IQSEC1: variants seen among roughly 807,000 people sequenced by gnomAD.
The protein encoded by IQSEC1 is IQ motif and Sec7 domain ArfGEF 1.
IQSEC1 carries 31 observed loss-of-function variants against 91.0 expected under a neutral mutation model. That is an observed-to-expected ratio of 0.34 (90% CI 0.26 to 0.46). The LOEUF is 0.46. Ranked by LOEUF, IQSEC1 falls within the 20% of genes least tolerant of loss-of-function variation. IQSEC1 has a pLI of 1.00. For missense variants in IQSEC1, 1,388 were observed against 1,575.6 expected (o/e 0.88, Z 2.02); for synonymous variants, 699 against 662.6 (o/e 1.05, Z -0.84).
chr3:13,261,536 G>A (rs535730753), intron 1 of IQSEC1, among the ~76,000 whole-genome samples: 3 of 152,094 alleles, frequency 2.0e-5, no homozygotes, highest in Non-Finnish European at 2.9e-5. Flanking sequence ...CCCAGACAGC[G>A]AGCAAAGCCC....
chr3:13,256,565 T>C (rs2125123639), intron 1 of IQSEC1, among the ~76,000 whole-genome samples: 1 of 152,224 alleles, frequency 6.6e-6, no homozygotes, highest in Non-Finnish European at 1.5e-5. Flanking sequence ...CTGGGGTTCC[T>C]AAGAGCCACA....
chr3:12,956,554 A>C (rs1326334075), intron 1 of IQSEC1, among the ~76,000 whole-genome samples: 1 of 152,138 alleles, frequency 6.6e-6, no homozygotes, highest in African/African-American at 2.4e-5. Context: ...CCTCGTTCCT[A>C]AGTTTCCTAG....
chr3:13,118,072 A>ACACT (rs1706365369), intron 2 of IQSEC1, among the ~76,000 whole-genome samples: 1 of 152,120 alleles, frequency 6.6e-6, no homozygotes, highest in Non-Finnish European at 1.5e-5. Context: ...AGTTAATCAT[A>ACACT]ACGTATAGTT....
intron 2 of IQSEC1, among the ~76,000 whole-genome samples, chr3:13,095,329 C>T (rs2600203): frequency 0.23 from 35,476 of 151,716 alleles, 4,463 homozygotes; most frequent in Non-Finnish European, 0.26. Flanking sequence ...ATTCTCGGGT[C>T]TACCCAGACC....
chr3:13,066,774 C>T (rs1705245834), intron 1 of IQSEC1, among the ~76,000 whole-genome samples: 1 of 152,206 alleles, frequency 6.6e-6, no homozygotes, highest in Non-Finnish European at 1.5e-5. Context: ...TTACTGTGTC[C>T]CTTCTCTGGG....
At chr3:13,190,555 C>CAAAAAAAAAAAAAA (rs79890597) in intron 1 of IQSEC1, among the ~76,000 whole-genome samples, 1 of 142,650 alleles carries the variant, frequency 7.0e-6, no homozygotes, top group African/African-American at 2.6e-5. Flanking sequence ...GACCCTGTCT[C>CAAAAAAAAAAAAAA]AAAAAAAAAA....
intron 1 of IQSEC1, among the ~76,000 whole-genome samples, chr3:13,027,192 G>T (rs1703653985): frequency 6.6e-6 from 1 of 152,286 alleles, no homozygotes. Context: ...AAAGTCCAGG[G>T]TGCTGAGAGC....
intron 2 of IQSEC1, among the ~76,000 whole-genome samples, chr3:13,106,057 A>C (rs1559256192): frequency 6.6e-6 from 1 of 152,134 alleles, no homozygotes; most frequent in Non-Finnish European, 1.5e-5. Flanking sequence ...CCACCAATAG[A>C]GGGAGCCTGG....
At chr3:13,112,896 T>C (rs1268004164) in intron 2 of IQSEC1, among the ~76,000 whole-genome samples, 1 of 152,262 alleles carries the variant, frequency 6.6e-6, no homozygotes, top group Non-Finnish European at 1.5e-5. Flanking sequence ...AGGGAGAGCC[T>C]GGTGAGACAT....
chr3:13,078,324 A>G (rs1249883694), upstream of IQSEC1, among the ~76,000 whole-genome samples: 2 of 152,170 alleles, frequency 1.3e-5, no homozygotes, highest in African/African-American at 4.8e-5. Context: ...AGGCATCATT[A>G]AAAAGTGGTG....
Position 12,994,696 on chromosome 3 carries a change from G to T in IQSEC1, c.24-52831C>A, listed in dbSNP as rs892574002. On this transcript the variant is annotated intron_variant, in intron 1 of 13. Coordinates refer to ENST00000613206, the MANE Select transcript of IQSEC1 (RefSeq NM_001134382.3). This position sits in a 1 kb window ranked among gnomAD's most constrained non-coding sequence, Gnocchi z 4.5. ...GCAGGGAAGCCACTGGCCCAGAGGC[G>T]CACAGCTGCACCACGCTCCTCCGCG... Among the ~76,000 whole-genome samples, 3 of 152,184 alleles carry T rather than the reference G, an allele frequency of 2.0e-5. No individual in the cohort carries two copies. Among genetic ancestry groups the T allele is most frequent in the Non-Finnish European group, 4.4e-5 (3 of 68,024 alleles).
At chr3:12,928,680 C>G (rs1327313935) in intron 3 of IQSEC1, among the ~76,000 whole-genome samples, 1 of 152,230 alleles carries the variant, frequency 6.6e-6, no homozygotes, top group African/African-American at 2.4e-5. Context: ...GGTGAATTCT[C>G]CATCCACCTG....
intron 1 of IQSEC1, among the ~76,000 whole-genome samples, chr3:12,976,680 C>T (rs1435834681): frequency 6.6e-6 from 1 of 152,224 alleles, no homozygotes; most frequent in Non-Finnish European, 1.5e-5. Flanking sequence ...CTGGCTTAAT[C>T]ACTTATGTAC....
intron 1 of IQSEC1, among the ~76,000 whole-genome samples, chr3:12,943,924 C>T (rs1347727725): frequency 8.5e-5 from 13 of 152,254 alleles, no homozygotes; most frequent in Admixed American, 7.9e-4. Flanking sequence ...TGACTTCTGG[C>T]TCTGGCCTCC....
chr3:13,043,052 G>T (rs375963281), intron 1 of IQSEC1, among the ~76,000 whole-genome samples: 1 of 152,164 alleles, frequency 6.6e-6, no homozygotes, highest in Non-Finnish European at 1.5e-5. Context: ...GTCGCCCAGC[G>T]CCTGCCGTTG....
At chr3:13,035,427 A>G (rs1301087246) in intron 1 of IQSEC1, among the ~76,000 whole-genome samples, 2 of 152,132 alleles carry the variant, frequency 1.3e-5, no homozygotes, top group Non-Finnish European at 2.9e-5. Context: ...TCTCAGCTCT[A>G]AAACTCTAAG....
intron 2 of IQSEC1, among the ~76,000 whole-genome samples, chr3:13,145,807 G>GGC (rs1553568918): frequency 6.7e-5 from 5 of 74,698 alleles, no homozygotes; most frequent in South Asian, 5.7e-4. Context: ...CCGGGGGCGG[G>GGC]GGGGGGGGGT....
intron 1 of IQSEC1, among the ~76,000 whole-genome samples, chr3:13,057,984 A>G (rs1704934916): frequency 6.6e-6 from 1 of 152,162 alleles, no homozygotes; most frequent in Non-Finnish European, 1.5e-5. Flanking sequence ...AAGAAAAAAC[A>G]TTTTCAGGCC....
chr3:13,055,841 C>G (rs540237917), intron 1 of IQSEC1, among the ~76,000 whole-genome samples: 1 of 152,156 alleles, frequency 6.6e-6, no homozygotes, highest in Non-Finnish European at 1.5e-5. Context: ...GGCGGAGGGG[C>G]CCTGGGGTGC....
Sources: gnomAD v4.1 joint callset for allele counts (sites outside exome capture counted in the v4.1 genomes callset) on GRCh38, gnomAD v4.1.1 for gene constraint, Gnocchi (gnomAD v3.1) non-coding constraint, MANE v1.5 for transcripts, NCBI Gene and HGNC (gene_info 2026-07-23, HGNC 2026-07-21) for gene names.